Variants in TSHR observed in about 807,000 individuals in gnomAD.
TSHR encodes thyroid stimulating hormone receptor.
In TSHR, 51 loss-of-function variants were observed where a neutral mutation model predicts 64.1. The observed-to-expected ratio is 0.80, with a 90% CI of 0.64 to 1.01. The LOEUF (loss-of-function observed/expected upper bound fraction) is 1.01. TSHR is among the 50% of genes least tolerant of loss of function. TSHR has a pLI of 0.00. For missense variants in TSHR, 877 were observed against 942.8 expected, an observed-to-expected ratio of 0.93 and a Z score of 0.91; for synonymous variants, 361 against 361.9, an observed-to-expected ratio of 1.00 and a Z score of 0.03.
chr14:81,037,876 TAGG>T (rs1288369122), intron 1 of TSHR, among the ~76,000 whole-genome samples: 1 of 149,506 alleles, frequency 6.7e-6, no homozygotes, highest in Non-Finnish European at 1.5e-5. Flanking sequence ...ACAATAATAG[TAGG>T]AGATTTCAAC....
At chr14:81,047,413 A>G (rs183029982) in intron 1 of TSHR, among the ~76,000 whole-genome samples, 87 of 152,302 alleles carry the variant, frequency 5.7e-4, no homozygotes, top group African/African-American at 2.0e-3. Flanking sequence ...TATACATACT[A>G]TTTTTGAATG....
At chr14:80,978,094 A>ACCAC (rs368443326) in intron 1 of TSHR, among the ~76,000 whole-genome samples, 1 of 146,386 alleles carries the variant, frequency 6.8e-6, no homozygotes, top group African/African-American at 2.6e-5. Context: ...ACATCCCTCC[A>ACCAC]ACACACACAC....
chr14:81,126,484 C>G (rs1761294126), intron 8 of TSHR, among the ~76,000 whole-genome samples: 1 of 152,168 alleles, frequency 6.6e-6, no homozygotes, highest in African/African-American at 2.4e-5. Context: ...AACTAGATAG[C>G]TTTTCTTCTC....
chr14:80,969,574 G>C (rs538352444), intron 1 of TSHR, among the ~76,000 whole-genome samples: 22 of 152,300 alleles, frequency 1.4e-4, no homozygotes, highest in Admixed American at 1.4e-3. Flanking sequence ...CTGAAAGGTT[G>C]GTCATTTACA....
intron 1 of TSHR, chr14:80,994,520 A>G (rs973478246): frequency 2.0e-5 from 3 of 152,220 alleles, no homozygotes; most frequent in Non-Finnish European, 2.9e-5. Flanking sequence ...TGATACTCGT[A>G]CAAGAACCAA....
intron 8 of TSHR, among the ~76,000 whole-genome samples, chr14:81,120,484 ATTGT>A (rs1890745253): frequency 6.6e-6 from 1 of 152,112 alleles, no homozygotes; most frequent in Non-Finnish European, 1.5e-5. Flanking sequence ...CTGATAGCTT[ATTGT>A]TTGTTTATAG....
chr14:81,134,380 C>A (rs1035208399), intron 8 of TSHR, among the ~76,000 whole-genome samples: 2 of 152,196 alleles, frequency 1.3e-5, no homozygotes, highest in African/African-American at 4.8e-5. Flanking sequence ...AGGTGATCCA[C>A]CCGCCTCAGC....
chr14:81,049,466 C>A (rs1050111091), intron 1 of TSHR: 1 of 152,292 alleles, frequency 6.6e-6, no homozygotes, highest in South Asian at 2.1e-4. Flanking sequence ...GTCACTCATC[C>A]TTTCTTCAGA....
intron 1 of TSHR, among the ~76,000 whole-genome samples, chr14:81,015,110 C>T (rs970202184): frequency 6.6e-6 from 1 of 152,040 alleles, no homozygotes; most frequent in African/African-American, 2.4e-5. Context: ...CTCACTAAGC[C>T]ACATGTTATT....
intron 8 of TSHR, among the ~76,000 whole-genome samples, chr14:81,127,015 T>C (rs1427077184): frequency 1.3e-5 from 2 of 152,250 alleles, no homozygotes; most frequent in African/African-American, 4.8e-5. Flanking sequence ...AAGCCATGTA[T>C]ACTATGTTCT....
chr14:81,118,282 G>A (rs1776559651), intron 8 of TSHR, among the ~76,000 whole-genome samples: 1 of 92,884 alleles, frequency 1.1e-5, no homozygotes, highest in African/African-American at 4.8e-5. Context: ...AAACCCCATT[G>A]TCTCAGCCCA....
intron 1 of TSHR, among the ~76,000 whole-genome samples, chr14:81,028,495 A>G (rs1484931498): frequency 6.6e-6 from 1 of 152,058 alleles, no homozygotes; most frequent in Non-Finnish European, 1.5e-5. Context: ...CCCTACATTG[A>G]GTTGGGATCC....
chr14:81,062,069 ATG>A (rs1886283855), intron 1 of TSHR, 77 bp from the exon 2 acceptor site: 9 of 1,240,404 alleles, frequency 7.3e-6, no homozygotes, highest in Middle Eastern at 3.8e-4. Flanking sequence ...CTTTTTAATT[ATG>A]TGTTTTTATA....
chr14:81,113,231 T>C (rs1361695597), intron 8 of TSHR, among the ~76,000 whole-genome samples: 3 of 152,218 alleles, frequency 2.0e-5, no homozygotes, highest in Non-Finnish European at 2.9e-5. Context: ...CCTGACTATA[T>C]TTTTTAAGGT....
At chr14:81,055,390 C>G (rs1037319128) in intron 1 of TSHR, among the ~76,000 whole-genome samples, 2 of 152,230 alleles carry the variant, frequency 1.3e-5, no homozygotes, top group Non-Finnish European at 2.9e-5. Flanking sequence ...CACCCCCACA[C>G]AGAGTCCTCA....
chr14:81,082,468 G>A (rs1566800936), intron 3 of TSHR, among the ~76,000 whole-genome samples: 2 of 152,172 alleles, frequency 1.3e-5, no homozygotes, highest in Admixed American at 6.5e-5. Context: ...GTGTATAAAA[G>A]TCAAGTGCTG....
Position 81,103,414 on chromosome 14 carries a change from A to C in TSHR, c.615-4961A>C. 4 of 985,464 alleles carry C rather than the reference A, an allele frequency of 4.1e-6. No individual in the cohort carries two copies. Among genetic ancestry groups the C allele is most frequent in the Non-Finnish European group, 4.8e-6 (4 of 829,940 alleles). The allele number at this position is 985,464 out of a possible 1,614,324, so 61.0% of individuals were successfully genotyped here. On this transcript the variant is annotated intron_variant, in intron 7 of 9. Transcript: ENST00000298171. This position sits in a 1 kb window ranked among gnomAD's most constrained non-coding sequence, Gnocchi z 4.1. ...TCATCCAAAAGAGCAATCATCCCCT[A>C]TCATTCCACTTCATGACAATTTACT...
intron 1 of TSHR, among the ~76,000 whole-genome samples, chr14:80,963,236 T>C (rs1415027673): frequency 6.6e-6 from 1 of 152,194 alleles, no homozygotes; most frequent in Non-Finnish European, 1.5e-5. Context: ...TCATTTCTAT[T>C]GTTAACTCTA....
rs575768171 is a variant in TSHR at position 81,018,109 on chromosome 14, T to G, written c.171-44039T>G. The stretch of plus-strand genomic sequence containing the variant: ...GCATCCCAAAGTGCAGGAATTACAA[T>G]AGTACCTAACATACTCTATTGAATT... On this transcript the variant is annotated intron_variant, in intron 1 of 9. Coordinates refer to ENST00000298171, the MANE Select transcript of TSHR (RefSeq NM_000369.5). 3.3e-5 allele frequency among the ~76,000 whole-genome samples: 5 copies of G among 152,166 alleles called. 1 individual carries two copies. In the East Asian group the frequency reaches 9.7e-4, roughly 29 times the overall value.
Sources: allele counts gnomAD v4.1 joint callset (sites outside exome capture counted in the v4.1 genomes callset), GRCh38; gene constraint gnomAD v4.1.1; non-coding constraint Gnocchi (gnomAD v3.1); transcripts MANE v1.5; gene names NCBI Gene and HGNC (gene_info 2026-07-23, HGNC 2026-07-21).